The following DLGAP5 variants were observed in gnomAD, a reference collection of about 807,000 sequenced individuals.
DLGAP5 encodes the protein disks large-associated protein 5.
A neutral mutation model predicts 99.6 loss-of-function variants in DLGAP5; 90 were observed. The observed-to-expected ratio is 0.90, with a 90% CI of 0.76 to 1.08. The LOEUF (loss-of-function observed/expected upper bound fraction) is 1.08, where lower values mean the gene tolerates loss of function less well. Ranked by LOEUF, DLGAP5 falls within the 50% of genes least tolerant of loss-of-function variation. The pLI is 0.00. For missense variants in DLGAP5, 1,036 were observed against 983.5 expected, an observed-to-expected ratio of 1.05 and a Z score of -0.71; for synonymous variants, 311 against 321.3, an observed-to-expected ratio of 0.97 and a Z score of 0.34.
At chr14:55,169,972 TA>T (rs1267155757) in intron 11 of DLGAP5, among the ~76,000 whole-genome samples, 1 of 151,906 alleles carries the variant, frequency 6.6e-6, no homozygotes, top group Admixed American at 6.6e-5. Context: ...CCATCCCTAC[TA>T]AAAATACAAA....
chr14:55,165,545 C>A (rs993600950), intron 12 of DLGAP5, among the ~76,000 whole-genome samples: 26 of 151,330 alleles, frequency 1.7e-4, no homozygotes, highest in Middle Eastern at 3.4e-3. Flanking sequence ...AAAAAAACCC[C>A]AAAAAAACCC....
chr14:55,178,222 A>C (rs894822520), intron 7 of DLGAP5, among the ~76,000 whole-genome samples: 10 of 152,052 alleles, frequency 6.6e-5, no homozygotes, highest in Non-Finnish European at 1.5e-4. Flanking sequence ...ACTGCACTTC[A>C]GCCTGGGCGA....
chr14:55,152,540 A>G, intron 16 of DLGAP5, 50 bp downstream of exon 16: 2 of 1,416,098 alleles, frequency 1.4e-6, no homozygotes, highest in Non-Finnish European at 1.9e-6. Flanking sequence ...CTATAATGAT[A>G]TAAACATATG....
At chr14:55,177,464 A>G in intron 7 of DLGAP5, 128 bp from the exon 8 acceptor site, 1 of 810,364 alleles carries the variant, frequency 1.2e-6, no homozygotes, top group South Asian at 2.2e-5. Flanking sequence ...AGAGACAAAA[A>G]CAGATACAAT....
At chr14:55,150,022 C>A (rs11621351) in intron 18 of DLGAP5, among the ~76,000 whole-genome samples, 53,625 of 150,164 alleles carry the variant, frequency 0.36, 10,122 homozygotes, top group Non-Finnish European at 0.41. Context: ...CATTGTACCC[C>A]AGCCTGGGTG....
At chr14:55,189,305 A>G in intron 1 of DLGAP5, 125 bp from the exon 2 acceptor site, 1 of 725,356 alleles carries the variant, frequency 1.4e-6, no homozygotes, top group Non-Finnish European at 2.3e-6. Context: ...GTGCAATGAA[A>G]TAAATATGTA....
At chr14:55,155,451 A>T (rs1882180179) in intron 14 of DLGAP5, among the ~76,000 whole-genome samples, 1 of 150,538 alleles carries the variant, frequency 6.6e-6, no homozygotes, top group East Asian at 2.0e-4. Flanking sequence ...GGTTCAAGTG[A>T]TTCTCCTGCC....
At chr14:55,173,256 A>G (rs1475853166) in intron 10 of DLGAP5, among the ~76,000 whole-genome samples, 1 of 137,314 alleles carries the variant, frequency 7.3e-6, no homozygotes, top group African/African-American at 2.8e-5. Context: ...GCAATATCAT[A>G]AGACCCCCGT....
chr14:55,188,917 A>C (rs749706714), intron 2 of DLGAP5, 25 bp downstream of exon 2: 1 of 1,587,060 alleles, frequency 6.3e-7, no homozygotes, highest in East Asian at 2.2e-5. Flanking sequence ...CAAAGTACTT[A>C]AAATTACAAC....
At chr14:55,167,886 T>G (rs950008531) in intron 12 of DLGAP5, among the ~76,000 whole-genome samples, 11 of 152,180 alleles carry the variant, frequency 7.2e-5, no homozygotes, top group Non-Finnish European at 1.3e-4. Flanking sequence ...CCTACCCTCT[T>G]TATCCCAGAG....
intron 1 of DLGAP5, among the ~76,000 whole-genome samples, chr14:55,190,289 TACACACACACAC>T (rs142940996): frequency 1.3e-4 from 19 of 147,416 alleles, no homozygotes; most frequent in Non-Finnish European, 6.0e-5. Context: ...AGAAAAGCCA[TACACACACACAC>T]ACACACACAC....
intron 10 of DLGAP5, among the ~76,000 whole-genome samples, chr14:55,174,495 T>G (rs1371764530): frequency 6.6e-6 from 1 of 152,172 alleles, no homozygotes; most frequent in Non-Finnish European, 1.5e-5. Context: ...TGAAAATCCC[T>G]AATAAAAACT....
At chr14:55,174,346 C>G (rs945382135) in intron 10 of DLGAP5, among the ~76,000 whole-genome samples, 2 of 152,164 alleles carry the variant, frequency 1.3e-5, no homozygotes, top group African/African-American at 2.4e-5. Context: ...ACAATGGTGC[C>G]CGAAACTTCA....
At chr14:55,186,362 T>C (rs1883436434) in intron 2 of DLGAP5, among the ~76,000 whole-genome samples, 1 of 152,254 alleles carries the variant, frequency 6.6e-6, no homozygotes, top group African/African-American at 2.4e-5. Context: ...AATTCCTTGT[T>C]ATCTATTACA....
At position 55,180,686 on chromosome 14, in the gene DLGAP5, C is replaced by T. The variant is rs1883239434; in HGVS notation, c.673G>A (p.Ala225Thr). ...QVPRTVSSTTARKPVTRAANE... is the reference protein window; with the variant it reads ...QVPRTVSSTTTRKPVTRAANE... ...GCAGCTCTTGTGACTGGCTTTCTTG[C>T]TGTGGTAGATGAGACTGTTCTGGGA... The change falls in exon 6 of 19, where the codon GCA becomes ACA. Residue 225 changes from alanine (A) to threonine (T), a missense_variant. Coordinates refer to ENST00000247191, the MANE Select transcript of DLGAP5 (RefSeq NM_014750.5). 1 of 1,614,022 alleles carries T rather than the reference C, an allele frequency of 6.2e-7. No homozygotes were observed. Among genetic ancestry groups the T allele is most frequent in the Admixed American group, 1.7e-5 (1 of 59,982 alleles).
intron 13 of DLGAP5, among the ~76,000 whole-genome samples, chr14:55,159,328 C>T (rs1882331140): frequency 6.6e-6 from 1 of 152,118 alleles, no homozygotes. Flanking sequence ...AAGAAAGTCA[C>T]ATTTACACAG....
At chr14:55,172,059 C>A (rs1287925648) in intron 10 of DLGAP5, among the ~76,000 whole-genome samples, 4 of 151,982 alleles carry the variant, frequency 2.6e-5, no homozygotes, top group Non-Finnish European at 5.9e-5. Flanking sequence ...GATGGGGTTT[C>A]ACCAAGTTGG....
chr14:55,155,177 A>G (rs1327521680), intron 14 of DLGAP5, among the ~76,000 whole-genome samples: 1 of 151,752 alleles, frequency 6.6e-6, no homozygotes. Context: ...GATGCATGCC[A>G]CCACGCCTGG....
intron 2 of DLGAP5, among the ~76,000 whole-genome samples, chr14:55,186,279 AAAAAT>A (rs1045647215): frequency 2.0e-5 from 3 of 152,230 alleles, no homozygotes; most frequent in African/African-American, 7.2e-5. Context: ...CTCAAAAAAT[AAAAAT>A]AAAATAAAAT....
Sources: gnomAD v4.1 joint callset for allele counts (sites outside exome capture counted in the v4.1 genomes callset) on GRCh38, gnomAD v4.1.1 for gene constraint, MANE v1.5 for transcripts, NCBI Gene and HGNC (gene_info 2026-07-23, HGNC 2026-07-21) for gene names.